RBFOX1: variants seen among roughly 807,000 people sequenced by gnomAD.
RBFOX1 encodes RNA binding fox-1 homolog 1, also known as RNA binding protein fox-1 homolog 1.
In RBFOX1, 8 loss-of-function variants were observed where a neutral mutation model predicts 57.7. That is an observed-to-expected ratio of 0.14 (90% CI 0.08 to 0.25). The LOEUF is 0.25. RBFOX1 is among the 10% of genes least tolerant of loss of function. The pLI is 1.00. For synonymous variants in RBFOX1, 326 were observed against 222.4 expected, an observed-to-expected ratio of 1.47 and a Z score of -4.15; for missense variants, 611 against 548.5, an observed-to-expected ratio of 1.11 and a Z score of -1.14.
chr16:5,615,511 C>CA (rs1463331635), intron 3 of RBFOX1, among the ~76,000 whole-genome samples: 1 of 152,184 alleles, frequency 6.6e-6, no homozygotes, highest in Non-Finnish European at 1.5e-5. Flanking sequence ...GACATGAGGA[C>CA]AGGAGGGACA....
At chr16:7,493,144 G>A (rs1329838839) in intron 4 of RBFOX1, among the ~76,000 whole-genome samples, 2 of 152,200 alleles carry the variant, frequency 1.3e-5, no homozygotes, top group Non-Finnish European at 2.9e-5. Flanking sequence ...CTCCCAAAGT[G>A]CTGGGATTAC....
intron 2 of RBFOX1, among the ~76,000 whole-genome samples, chr16:6,519,803 G>C (rs1326638961): frequency 1.3e-5 from 2 of 152,178 alleles, no homozygotes; most frequent in African/African-American, 2.4e-5. Context: ...TTCTTATTTA[G>C]TGTCTAAGGT....
intron 4 of RBFOX1, among the ~76,000 whole-genome samples, chr16:5,956,612 C>G (rs1210636781): frequency 1.4e-5 from 2 of 142,418 alleles, no homozygotes; most frequent in Non-Finnish European, 3.0e-5. Context: ...TAGTGAGGAA[C>G]AATTGGTAAA....
At chr16:6,970,994 T>C (rs1353275232) in intron 3 of RBFOX1, among the ~76,000 whole-genome samples, 1 of 152,186 alleles carries the variant, frequency 6.6e-6, no homozygotes, top group Non-Finnish European at 1.5e-5. Flanking sequence ...GATCATAGAA[T>C]GTTTAACAGT....
At chr16:7,158,842 TATGTGTGTGTGC>T (rs1265163942) in intron 4 of RBFOX1, among the ~76,000 whole-genome samples, 1 of 151,978 alleles carries the variant, frequency 6.6e-6, no homozygotes, top group African/African-American at 2.4e-5. Context: ...GTTTGTATGG[TATGTGTGTGTGC>T]ATGTGTGTGT....
intron 2 of RBFOX1, among the ~76,000 whole-genome samples, chr16:5,477,952 C>T (rs1300256354): frequency 6.6e-6 from 1 of 152,160 alleles, no homozygotes; most frequent in Non-Finnish European, 1.5e-5. Flanking sequence ...CTCCTTGGTT[C>T]TCATTACGCA....
chr16:7,679,712 C>G (rs1480248952), intron 14 of RBFOX1, among the ~76,000 whole-genome samples: 1 of 151,918 alleles, frequency 6.6e-6, no homozygotes, highest in African/African-American at 2.4e-5. Context: ...CCTTAATGGG[C>G]ACCTTGCAAC....
chr16:5,806,285 T>C (rs760093084), intron 3 of RBFOX1, among the ~76,000 whole-genome samples: 4 of 152,202 alleles, frequency 2.6e-5, no homozygotes, highest in Non-Finnish European at 4.4e-5. Context: ...TTCTGGAGGC[T>C]GGGAAGTCCA....
intron 4 of RBFOX1, among the ~76,000 whole-genome samples, chr16:7,501,531 G>T (rs184455627): frequency 2.0e-3 from 305 of 152,258 alleles, no homozygotes; most frequent in African/African-American, 7.0e-3. Flanking sequence ...CAATCCAGTA[G>T]CCTCCAGGTC....
chr16:6,586,654 T>A (rs1224662127), intron 2 of RBFOX1, among the ~76,000 whole-genome samples: 1 of 152,180 alleles, frequency 6.6e-6, no homozygotes, highest in Non-Finnish European at 1.5e-5. Flanking sequence ...TTCAGGCTGT[T>A]CCCTTAAAGT....
chr16:6,355,791 CTTCTT>C (rs2087201646), intron 2 of RBFOX1, among the ~76,000 whole-genome samples: 1 of 152,198 alleles, frequency 6.6e-6, no homozygotes, highest in Non-Finnish European at 1.5e-5. Flanking sequence ...TCCTCTCCAG[CTTCTT>C]TTGTTTCCTG....
intron 2 of RBFOX1, among the ~76,000 whole-genome samples, chr16:6,645,067 T>A (rs1265489928): frequency 6.6e-6 from 1 of 152,150 alleles, no homozygotes; most frequent in African/African-American, 2.4e-5. Flanking sequence ...TGGGGAAGAT[T>A]CATCTTTGCC....
chr16:6,265,283 A>T (rs62016172), intron 1 of RBFOX1, among the ~76,000 whole-genome samples: 6,372 of 151,866 alleles, frequency 0.042, 176 homozygotes, highest in Middle Eastern at 0.13. Flanking sequence ...TTTTTGTGAG[A>T]CAGAATCTTG....
At chr16:6,744,787 T>C (rs1195920086) in intron 3 of RBFOX1, among the ~76,000 whole-genome samples, 2 of 151,624 alleles carry the variant, frequency 1.3e-5, no homozygotes, top group East Asian at 3.9e-4. Context: ...CTTAGAAAAA[T>C]AGAAAAAGAA....
At chr16:6,280,752 A>G (rs902107786) in intron 1 of RBFOX1, among the ~76,000 whole-genome samples, 1 of 152,110 alleles carries the variant, frequency 6.6e-6, no homozygotes, top group East Asian at 2.0e-4. Context: ...CGGTCATTAC[A>G]TAAACCAGTC....
intron 3 of RBFOX1, among the ~76,000 whole-genome samples, chr16:6,982,474 C>T (rs988738993): frequency 6.6e-6 from 1 of 152,154 alleles, no homozygotes; most frequent in South Asian, 2.1e-4. Flanking sequence ...CTCATTCGTT[C>T]ATGAGAGTCG....
chr16:6,595,583 G>A (rs1260484977), intron 2 of RBFOX1, among the ~76,000 whole-genome samples: 1 of 152,114 alleles, frequency 6.6e-6, no homozygotes, highest in Non-Finnish European at 1.5e-5. Flanking sequence ...CCTACAAGTG[G>A]AATTTCTGGG....
chr16:7,503,981 C>T (rs1261833644), intron 4 of RBFOX1, among the ~76,000 whole-genome samples: 5 of 152,024 alleles, frequency 3.3e-5, no homozygotes, highest in Admixed American at 6.6e-5. Context: ...GAGGTTATCA[C>T]GGGGAAAAAT....
At chr16:5,356,741 G>T (rs1490494721) in intron 1 of RBFOX1, among the ~76,000 whole-genome samples, 1 of 152,218 alleles carries the variant, frequency 6.6e-6, no homozygotes. Flanking sequence ...GGCCTAGAAT[G>T]CCTTGGAAAT....
Sources: gnomAD v4.1 joint callset for allele counts (sites outside exome capture counted in the v4.1 genomes callset) on GRCh38, gnomAD v4.1.1 for gene constraint, MANE v1.5 for transcripts, NCBI Gene and HGNC (gene_info 2026-07-23, HGNC 2026-07-21) for gene names.